GLB1L2: variants seen among roughly 807,000 people sequenced by gnomAD.
GLB1L2 encodes the protein beta-galactosidase-1-like protein 2.
A neutral mutation model predicts 84.1 loss-of-function variants in GLB1L2; 68 were observed. The observed-to-expected ratio is 0.81, with a 90% CI of 0.67 to 0.99. GLB1L2 has a LOEUF of 0.99. Ranked by LOEUF, GLB1L2 falls within the 50% of genes least tolerant of loss-of-function variation. The pLI is 0.00. For synonymous variants in GLB1L2, 290 were observed against 318.0 expected (o/e 0.91, Z 0.94); for missense variants, 762 against 805.6 (o/e 0.95, Z 0.66).
intron 15 of GLB1L2, chr11:134,372,451 C>T (rs1165201812): frequency 6.6e-6 from 1 of 152,030 alleles, no homozygotes; most frequent in Non-Finnish European, 1.5e-5. Context: ...GTGGTGCAAT[C>T]TCGGCTCACT....
In GLB1L2 at chr11:134,369,101, G is replaced by A. The variant is rs181188278; in HGVS notation, c.1027+320G>A. Among the ~76,000 whole-genome samples the A allele has an allele frequency of 9.1e-3, 1,383 of 152,294 alleles. 9 individuals carry two copies. The highest frequency in any genetic ancestry group is 0.014 in the Non-Finnish European group (985 of 68,022). On this transcript the variant is annotated intron_variant, in intron 10 of 18. Coordinates refer to ENST00000535456, the MANE Select transcript of GLB1L2 (RefSeq NM_001370461.1). Reference sequence around the variant, plus strand: ...TCCCTGCCCAGGCCCTTGAGGAGGTGTGATCCTGCCTCCTTTAGGTTGAGA... The same window carrying A: ...TCCCTGCCCAGGCCCTTGAGGAGGTATGATCCTGCCTCCTTTAGGTTGAGA...
chr11:134,367,116 C>T, intron 8 of GLB1L2, 141 bp from the exon 9 acceptor site: 1 of 772,614 alleles, frequency 1.3e-6, no homozygotes, highest in Non-Finnish European at 2.2e-6. Flanking sequence ...TATGCCCCAC[C>T]TCCAAAGACC....
chr11:134,365,837 A>G (rs1022916765), intron 8 of GLB1L2, among the ~76,000 whole-genome samples: 4 of 152,164 alleles, frequency 2.6e-5, no homozygotes, highest in African/African-American at 7.2e-5. Context: ...GGTGTGCTCC[A>G]TGTGGCGATG....
intron 15 of GLB1L2, 83 bp downstream of exon 15, chr11:134,371,913 A>G (rs1050039436): frequency 8.0e-5 from 103 of 1,294,190 alleles, no homozygotes; most frequent in East Asian, 2.3e-5. Flanking sequence ...GCAGGCCACC[A>G]GGCCATGGAG....
At chr11:134,362,013 G>C (rs979266478) in intron 7 of GLB1L2, among the ~76,000 whole-genome samples, 1 of 152,178 alleles carries the variant, frequency 6.6e-6, no homozygotes, top group Non-Finnish European at 1.5e-5. Context: ...TGGGCCGTGC[G>C]GGTTGTGCGT....
At chr11:134,342,020 G>A (rs1278429538) in intron 1 of GLB1L2, among the ~76,000 whole-genome samples, 1 of 123,926 alleles carries the variant, frequency 8.1e-6, no homozygotes, top group Non-Finnish European at 1.7e-5. Context: ...CAGCTTTCCT[G>A]ACCTTCCTGA....
chr11:134,335,271 A>C (rs1471070653), intron 1 of GLB1L2, among the ~76,000 whole-genome samples: 3 of 151,230 alleles, frequency 2.0e-5, no homozygotes, highest in African/African-American at 4.9e-5. Flanking sequence ...CTGTCTTCCA[A>C]GGGTATGTGG....
chr11:134,370,734 G>A lies in GLB1L2; in HGVS notation c.1216-274G>A, dbSNP rs781568625. On this transcript the variant is annotated intron_variant, in intron 12 of 18. Coordinates refer to ENST00000535456, the MANE Select transcript of GLB1L2 (RefSeq NM_001370461.1). This position sits in a 1 kb window ranked among gnomAD's most constrained non-coding sequence, Gnocchi z 4.7. ...AGAGTGAGGGGCAGAGGAACAGGCC[G>A]TCCCCTCCCCAAGAAGGGGGTGCCT... Among the ~76,000 whole-genome samples, 19 of 152,134 alleles carry A rather than the reference G, an allele frequency of 1.2e-4. No homozygotes were observed. The highest frequency in any genetic ancestry group is 2.0e-4 in the Admixed American group (3 of 15,278).
intron 8 of GLB1L2, among the ~76,000 whole-genome samples, chr11:134,366,024 T>C (rs1943863826): frequency 6.6e-6 from 1 of 152,210 alleles, no homozygotes; most frequent in Non-Finnish European, 1.5e-5. Flanking sequence ...CTATAGAGTG[T>C]ATAAGACACC....
intron 5 of GLB1L2, among the ~76,000 whole-genome samples, chr11:134,351,345 CTTTTTTT>C (rs367790049): frequency 7.7e-6 from 1 of 129,120 alleles, no homozygotes; most frequent in East Asian, 2.4e-4. Context: ...CTTTTTCTTT[CTTTTTTT>C]TTTTTTTTTT....
At chr11:134,336,099 C>T (rs11223758) in intron 1 of GLB1L2, among the ~76,000 whole-genome samples, 48,189 of 152,078 alleles carry the variant, frequency 0.32, 8,042 homozygotes, top group Non-Finnish European at 0.37. Context: ...CTCCTGCTAA[C>T]GAGGTAGATA....
chr11:134,348,911 T>A (rs1213742025), intron 5 of GLB1L2, among the ~76,000 whole-genome samples: 1 of 152,232 alleles, frequency 6.6e-6, no homozygotes, highest in African/African-American at 2.4e-5. Context: ...GTCCCTCTTA[T>A]AAGAGCACTA....
At chr11:134,365,316 G>C (rs7930099) in intron 8 of GLB1L2, among the ~76,000 whole-genome samples, 2,848 of 152,336 alleles carry the variant, frequency 0.019, 82 homozygotes, top group African/African-American at 0.061. Flanking sequence ...TCCCAGGCAG[G>C]CTCCTGTGAC....
Position 134,339,219 on chromosome 11 carries a change from C to T in GLB1L2, c.87-3535C>T, listed in dbSNP as rs1046210818. On this transcript the variant is annotated intron_variant, in intron 1 of 18. Transcript: ENST00000535456. The surrounding 1 kb of genome is among the most constrained non-coding windows in gnomAD (Gnocchi z 5.7). The stretch of plus-strand genomic sequence containing the variant: ...GAGTAAAGTCTTGCTGACCTTTAAA[C>T]CAACCAACTCCAACCACACTGTTGA... 6.6e-6 allele frequency among the ~76,000 whole-genome samples: 1 copy of T among 152,158 alleles called. No individual in the cohort carries two copies. Among genetic ancestry groups the T allele is most frequent in the Non-Finnish European group, 1.5e-5 (1 of 68,026 alleles).
intron 5 of GLB1L2, among the ~76,000 whole-genome samples, chr11:134,354,470 GAGAACTTT>G (rs1943675910): frequency 6.6e-6 from 1 of 151,782 alleles, no homozygotes; most frequent in East Asian, 1.9e-4. Flanking sequence ...ATCTTTGCTG[GAGAACTTT>G]ATATTTTCAT....
At chr11:134,374,045 C>T (rs1206145592) in intron 16 of GLB1L2, 100 bp from the exon 17 acceptor site, 1 of 905,934 alleles carries the variant, frequency 1.1e-6, no homozygotes, top group East Asian at 2.4e-5. Flanking sequence ...GGCGGGGGGC[C>T]TTGGATGGGG....
chr11:134,345,281 C>A, intron 4 of GLB1L2, 152 bp downstream of exon 4: 1 of 988,214 alleles, frequency 1.0e-6, no homozygotes, highest in Non-Finnish European at 1.4e-6. Context: ...AAGCAGCACC[C>A]AGAGGGGATC....
chr11:134,369,788 G>T lies in GLB1L2; in HGVS notation c.1028-17G>T. 1 of 1,604,752 alleles carries T rather than the reference G, an allele frequency of 6.2e-7. No individual in the cohort carries two copies. Among genetic ancestry groups the T allele is most frequent in the Non-Finnish European group, 8.5e-7 (1 of 1,172,202 alleles). ...CTGGGGACAGGAATGACCATGACAG[G>T]GCCCGGTGTCTTGCAGACTATGATG... On this transcript the variant is annotated splice_polypyrimidine_tract_variant and intron_variant, in intron 10 of 18. Transcript: ENST00000535456.
At chr11:134,372,433 A>G (rs11608146) in intron 15 of GLB1L2, 107,032 of 151,852 alleles carry the variant, frequency 0.7, 38,000 homozygotes, top group East Asian at 0.93. Context: ...CACCCAGGCC[A>G]GACTGCAGTG....
Sources: allele counts gnomAD v4.1 joint callset (sites outside exome capture counted in the v4.1 genomes callset), GRCh38; gene constraint gnomAD v4.1.1; non-coding constraint Gnocchi (gnomAD v3.1); transcripts MANE v1.5; gene names NCBI Gene and HGNC (gene_info 2026-07-23, HGNC 2026-07-21).